The following NF1 variants were observed in gnomAD, a reference collection of about 807,000 sequenced individuals.
NF1 encodes the protein neurofibromin.
NF1 carries 122 observed loss-of-function variants against 325.7 expected under a neutral mutation model. The observed-to-expected ratio is 0.37, with a 90% CI of 0.32 to 0.44. The LOEUF (loss-of-function observed/expected upper bound fraction) is 0.44, where lower values mean the gene tolerates loss of function less well. Among genes scored for constraint, NF1 ranks in the 20% least tolerant of loss-of-function variants. The pLI is 1.00. For missense variants in NF1, 2,140 were observed against 3,415.4 expected (o/e 0.63, Z 9.31); for synonymous variants, 1,091 against 1,186.0 (o/e 0.92, Z 1.65).
At chr17:31,232,583 G>A in intron 25 of NF1, 117 bp from the exon 26 acceptor site, 1 of 984,742 alleles carries the variant, frequency 1.0e-6, no homozygotes, top group Non-Finnish European at 1.6e-6. Flanking sequence ...AGAGAGGAGA[G>A]AAACAGTTAA....
chr17:31,179,051 A>G (rs1431564045), intron 5 of NF1, among the ~76,000 whole-genome samples: 1 of 152,224 alleles, frequency 6.6e-6, no homozygotes, highest in Non-Finnish European at 1.5e-5. Context: ...CCCCAAATCA[A>G]CAGAATGTAT....
At chr17:31,324,595 A>G (rs534915281) in intron 36 of NF1, among the ~76,000 whole-genome samples, 5 of 151,598 alleles carry the variant, frequency 3.3e-5, no homozygotes, top group African/African-American at 1.2e-4. Context: ...AGACAGTCTC[A>G]CTGTTGCCCA....
At chr17:31,330,633 G>T in intron 39 of NF1, 135 bp downstream of exon 39, 1 of 697,922 alleles carries the variant, frequency 1.4e-6, no homozygotes, top group South Asian at 2.0e-5. Flanking sequence ...TTTTATATCT[G>T]TGGTATCCTG....
chr17:31,285,075 T>G (rs2068199171), intron 36 of NF1, among the ~76,000 whole-genome samples: 7 of 151,806 alleles, frequency 4.6e-5, no homozygotes, highest in Admixed American at 4.6e-4. Flanking sequence ...GCCAAGATAA[T>G]GCCACTGCAC....
Position 31,374,491 on chromosome 17 carries a change from G to A in NF1, c.*336G>A, listed in dbSNP as rs902453886. ...GAATTCTTGAATACTGCTACTACTG[G>A]CCAGTGATGAAAGCCATTTGCACAG... On this transcript the variant is annotated 3_prime_UTR_variant, in exon 58 of 58. Transcript: ENST00000358273. 9.0e-6 allele frequency: 4 copies of A among 444,858 alleles called. No individual in the cohort carries two copies. The highest frequency in any genetic ancestry group is 7.8e-5 in the African/African-American group (4 of 51,004). 27.6% of individuals were successfully genotyped at this position (444,858 alleles called of 1,614,324 possible). A position where few individuals can be genotyped will look rare whatever the true frequency, so the allele number is the denominator to read the frequency against.
chr17:31,357,438 G>A, intron 54 of NF1, 69 bp downstream of exon 54: 1 of 1,247,854 alleles, frequency 8.0e-7, no homozygotes, highest in Non-Finnish European at 1.2e-6. Flanking sequence ...ACCCAGTAAT[G>A]TGCACTGGTT....
chr17:31,335,075 A>C, intron 40 of NF1, 44 bp downstream of exon 40: 1 of 1,537,100 alleles, frequency 6.5e-7, no homozygotes, highest in Non-Finnish European at 9.0e-7. Flanking sequence ...TCCTTTGTGC[A>C]CATATTTATC....
intron 36 of NF1, among the ~76,000 whole-genome samples, chr17:31,310,693 C>T (rs2068849859): frequency 6.6e-6 from 1 of 151,980 alleles, no homozygotes; most frequent in African/African-American, 2.4e-5. Flanking sequence ...CCAAAGAACC[C>T]ATGTACCCGT....
At chr17:31,308,906 C>T (rs892391933) in intron 36 of NF1, among the ~76,000 whole-genome samples, 1 of 152,172 alleles carries the variant, frequency 6.6e-6, no homozygotes, top group Non-Finnish European at 1.5e-5. Context: ...TTTCCTATAC[C>T]TACTTCCTTG....
chr17:31,304,305 A>T lies in NF1; in HGVS notation c.4836-21515A>T, dbSNP rs748596145. 5 of 1,613,718 alleles carry T rather than the reference A, an allele frequency of 3.1e-6. No homozygotes were observed. The highest frequency in any genetic ancestry group is 1.7e-5 in the Admixed American group (1 of 59,948). The stretch of plus-strand genomic sequence containing the variant: ...GTGGAGGTGGCAGGGATTCATTAAG[A>T]TCTTGATCAGAGTTGGGAGGAATAG... On this transcript the variant is annotated intron_variant, in intron 36 of 57. Transcript: ENST00000358273.
At chr17:31,240,106 A>G (rs1231200317) in intron 29 of NF1, among the ~76,000 whole-genome samples, 3 of 152,116 alleles carry the variant, frequency 2.0e-5, no homozygotes, top group African/African-American at 4.8e-5. Context: ...ATACTCTTTT[A>G]GTGATTTTTA....
intron 36 of NF1, among the ~76,000 whole-genome samples, chr17:31,280,777 T>C (rs1250140310): frequency 1.3e-5 from 2 of 152,046 alleles, no homozygotes; most frequent in Admixed American, 6.5e-5. Flanking sequence ...GTAAAATCTT[T>C]ATGTGCTCCT....
chr17:31,268,301 A>T (rs1254298258), intron 36 of NF1, among the ~76,000 whole-genome samples: 1 of 152,114 alleles, frequency 6.6e-6, no homozygotes, highest in Non-Finnish European at 1.5e-5. Flanking sequence ...TATGTCCAGT[A>T]TGTGCTCCTG....
At chr17:31,266,833 C>T (rs2067798510) in intron 36 of NF1, among the ~76,000 whole-genome samples, 1 of 151,786 alleles carries the variant, frequency 6.6e-6, no homozygotes, top group African/African-American at 2.4e-5. Flanking sequence ...CTGCAGATCC[C>T]TTAGTGAGAT....
At chr17:31,197,912 A>G (rs919201529) in intron 8 of NF1, among the ~76,000 whole-genome samples, 15 of 152,168 alleles carry the variant, frequency 9.9e-5, no homozygotes, top group Non-Finnish European at 4.4e-5. Context: ...ATCTTTCACT[A>G]TTGAGTATGT....
At chr17:31,325,003 G>A (rs1193211849) in intron 36 of NF1, among the ~76,000 whole-genome samples, 1 of 152,110 alleles carries the variant, frequency 6.6e-6, no homozygotes, top group Non-Finnish European at 1.5e-5. Flanking sequence ...TGAAACTTTG[G>A]TACCATTACT....
chr17:31,184,468 T>C (rs1282181668), intron 8 of NF1, among the ~76,000 whole-genome samples: 1 of 150,796 alleles, frequency 6.6e-6, no homozygotes, highest in Non-Finnish European at 1.5e-5. Flanking sequence ...GCTAACACGG[T>C]GAAACCCTGT....
At chr17:31,185,440 G>C (rs150256345) in intron 8 of NF1, among the ~76,000 whole-genome samples, 2 of 152,278 alleles carry the variant, frequency 1.3e-5, no homozygotes, top group East Asian at 3.9e-4. Flanking sequence ...AGTAGCAAAC[G>C]CACTGGACTT....
intron 36 of NF1, among the ~76,000 whole-genome samples, chr17:31,289,835 T>C (rs1179961424): frequency 6.6e-6 from 1 of 152,162 alleles, no homozygotes; most frequent in Non-Finnish European, 1.5e-5. Context: ...AAAAATTTCA[T>C]TGCCAAATTG....
Sources: allele counts gnomAD v4.1 joint callset (sites outside exome capture counted in the v4.1 genomes callset), GRCh38; gene constraint gnomAD v4.1.1; transcripts MANE v1.5; gene names NCBI Gene and HGNC (gene_info 2026-07-23, HGNC 2026-07-21).